SERPINB8: variants seen among roughly 807,000 people sequenced by gnomAD.
SERPINB8 encodes serpin B8.
SERPINB8 carries 25 observed loss-of-function variants against 35.3 expected under a neutral mutation model. That is an observed-to-expected ratio of 0.71 (90% CI 0.52 to 0.99). The LOEUF (loss-of-function observed/expected upper bound fraction) is 0.99, where lower values mean the gene tolerates loss of function less well. Among genes scored for constraint, SERPINB8 ranks in the 50% least tolerant of loss-of-function variants. The pLI is 0.00. For missense variants in SERPINB8, 484 were observed against 446.5 expected (o/e 1.08, Z -0.76); for synonymous variants, 186 against 160.8 (o/e 1.16, Z -1.19).
intron 1 of SERPINB8, among the ~76,000 whole-genome samples, chr18:64,001,908 C>T (rs779010156): frequency 7.9e-5 from 12 of 152,182 alleles, no homozygotes; most frequent in Admixed American, 3.9e-4. Flanking sequence ...GTCTGGGAAA[C>T]GCTTTCTACT....
In SERPINB8 at chr18:63,970,117, T is replaced by C. The variant is rs1019207338; in HGVS notation, c.-64T>C. 6 of 335,036 alleles carry C rather than the reference T, an allele frequency of 1.8e-5. No individual in the cohort carries two copies. The highest frequency in any genetic ancestry group is 7.4e-5 in the Admixed American group (2 of 26,982). 20.8% of individuals were successfully genotyped at this position (335,036 alleles called of 1,614,324 possible). On this transcript the variant is annotated 5_prime_UTR_variant, in exon 1 of 7. Transcript: ENST00000397985. Reference sequence around the variant, plus strand: ...ACGTGAAGCATCTACAAAGGAGGAATAGTCAAAGCAGCAGCGGCGGCGGCG... The same window carrying C: ...ACGTGAAGCATCTACAAAGGAGGAACAGTCAAAGCAGCAGCGGCGGCGGCG...
At position 63,970,130 on chromosome 18, in the gene SERPINB8, AGCG is replaced by A. The variant is rs113130158; in HGVS notation, c.-33_-31del. 588 of 343,362 alleles carry A rather than the reference AGCG, an allele frequency of 1.7e-3. 2 individuals are homozygous for A. The highest frequency in any genetic ancestry group is 2.7e-3 in the Admixed American group (75 of 27,612). The allele number at this position is 343,362 out of a possible 1,614,324, so 21.3% of individuals were successfully genotyped here. ...ACAAAGGAGGAATAGTCAAAGCAGC[AGCG>A]GCGGCGGCGGCGGCGGCAGCAGCAG... is the stretch of plus-strand genomic sequence containing the variant. On this transcript the variant is annotated 5_prime_UTR_variant, in exon 1 of 7. Coordinates refer to ENST00000397985, the MANE Select transcript of SERPINB8 (RefSeq NM_002640.4).
chr18:63,970,092 A>G lies in SERPINB8; in HGVS notation c.-89A>G. 1 of 285,248 alleles carries G rather than the reference A, an allele frequency of 3.5e-6. No individual in the cohort carries two copies. 17.7% of individuals were successfully genotyped at this position (285,248 alleles called of 1,614,324 possible). A position where few individuals can be genotyped will look rare whatever the true frequency, so the allele number is the denominator to read the frequency against. On this transcript the variant is annotated 5_prime_UTR_variant, in exon 1 of 7. Transcript: ENST00000397985. The stretch of plus-strand genomic sequence containing the variant: ...GAAGCCTTGCCCTCAATCAAGGCGG[A>G]CGTGAAGCATCTACAAAGGAGGAAT...
At chr18:63,973,101 C>G (rs2050518970) in intron 1 of SERPINB8, among the ~76,000 whole-genome samples, 1 of 152,194 alleles carries the variant, frequency 6.6e-6, no homozygotes, top group Non-Finnish European at 1.5e-5. Flanking sequence ...GTTTACAGTC[C>G]TACCAAGAGT....
chr18:64,009,736 G>C (rs928463178), downstream of SERPINB8, among the ~76,000 whole-genome samples: 9 of 152,198 alleles, frequency 5.9e-5, no homozygotes, highest in African/African-American at 1.9e-4. Context: ...ATGACCTTGA[G>C]CAGTTGGATA....
intron 1 of SERPINB8, among the ~76,000 whole-genome samples, chr18:64,000,637 A>T (rs1049214007): frequency 6.6e-6 from 1 of 152,052 alleles, no homozygotes; most frequent in African/African-American, 2.4e-5. Context: ...AGGCCTCCTT[A>T]TGGGGCAGGG....
chr18:63,995,614 C>T (rs769240560), intron 1 of SERPINB8, among the ~76,000 whole-genome samples: 1 of 152,168 alleles, frequency 6.6e-6, no homozygotes, highest in Non-Finnish European at 1.5e-5. Flanking sequence ...AATTGCTGCA[C>T]TTAGGGTCAT....
At chr18:63,984,952 C>A in intron 5 of SERPINB8, 141 bp from the exon 6 acceptor site, 2 of 720,242 alleles carry the variant, frequency 2.8e-6, no homozygotes, top group South Asian at 2.1e-5. Flanking sequence ...CTAAGATGTA[C>A]TAATGAAGAT....
chr18:63,995,450 G>A (rs780437652), intron 1 of SERPINB8, among the ~76,000 whole-genome samples: 2 of 152,214 alleles, frequency 1.3e-5, no homozygotes, highest in African/African-American at 2.4e-5. Context: ...CTGGTTTAGG[G>A]TCTGAGACCA....
chr18:63,987,844 C>A lies in SERPINB8; in HGVS notation c.*566C>A, dbSNP rs1458141872. The A allele has an allele frequency of 1.3e-5, 2 of 152,738 alleles. No individual in the cohort carries two copies. The highest frequency in any genetic ancestry group is 6.5e-5 in the Admixed American group (1 of 15,336). 9.5% of individuals were successfully genotyped at this position (152,738 alleles called of 1,614,324 possible). On this transcript the variant is annotated 3_prime_UTR_variant, in exon 7 of 7. Coordinates refer to ENST00000397985, the MANE Select transcript of SERPINB8 (RefSeq NM_002640.4). ...CTCATCTTTCCATAAGCCTGAGATA[C>A]AAGTTCAGGGACTCAGCAATGCACT...
downstream of SERPINB8, among the ~76,000 whole-genome samples, chr18:64,007,719 C>T (rs1184779852): frequency 6.6e-6 from 1 of 152,104 alleles, no homozygotes; most frequent in Admixed American, 6.5e-5. Flanking sequence ...GGTGCTATGC[C>T]CTTTTATACA....
intron 7 of SERPINB8, among the ~76,000 whole-genome samples, chr18:64,013,795 C>G (rs181185221): frequency 1.3e-5 from 2 of 152,188 alleles, no homozygotes; most frequent in East Asian, 3.9e-4. Context: ...GAAGGAAGAG[C>G]ATGTGCAAAA....
downstream of SERPINB8, among the ~76,000 whole-genome samples, chr18:63,994,337 T>TCTC (rs1568282178): frequency 6.7e-6 from 1 of 149,742 alleles, no homozygotes; most frequent in Non-Finnish European, 1.5e-5. Context: ...CCCTCTCTCT[T>TCTC]TCTCTCTCTC....
rs777758407 is a variant in SERPINB8, at chr18:63,986,318, G to A, written c.721-556G>A. 4.4e-6 allele frequency: 7 copies of A among 1,606,256 alleles called. No individual in the cohort carries two copies. The Admixed American group carries it at 6.8e-5, about 16-fold the overall frequency. On this transcript the variant is annotated intron_variant, in intron 6 of 6. Coordinates refer to ENST00000397985, the MANE Select transcript of SERPINB8 (RefSeq NM_002640.4). ...TCCAGGACAGGCAGAGGACAAACAA[G>A]GATGCTGATGAAGTCTTCTTGCATT...
chr18:64,007,502 C>T (rs1176999062), downstream of SERPINB8, among the ~76,000 whole-genome samples: 1 of 152,076 alleles, frequency 6.6e-6, no homozygotes, highest in African/African-American at 2.4e-5. Context: ...ACTTTGATAC[C>T]TGTATTAGTC....
At chr18:63,986,736 AAAG>A (rs1274105531) in intron 6 of SERPINB8, 135 bp from the exon 7 acceptor site, 1 of 1,405,724 alleles carries the variant, frequency 7.1e-7, no homozygotes, top group African/African-American at 1.4e-5. Flanking sequence ...TGTGTTTATA[AAAG>A]AAAATATCTG....
At chr18:63,999,504 G>C (rs758106741) in intron 1 of SERPINB8, among the ~76,000 whole-genome samples, 2 of 152,076 alleles carry the variant, frequency 1.3e-5, no homozygotes, top group Non-Finnish European at 2.9e-5. Flanking sequence ...CTTGATGGTG[G>C]TGACCTTCTC....
chr18:64,010,173 A>G (rs1342235619), downstream of SERPINB8, among the ~76,000 whole-genome samples: 1 of 152,176 alleles, frequency 6.6e-6, no homozygotes, highest in Admixed American at 6.5e-5. Context: ...GCCAATAAAC[A>G]TATGAAAAGA....
At chr18:63,986,655 G>A (rs1568277434) in intron 6 of SERPINB8, 4 of 1,341,354 alleles carry the variant, frequency 3.0e-6, no homozygotes, top group Admixed American at 3.6e-5. Context: ...CCTGTCTCAG[G>A]TGTTTACTAG....
Sources: gnomAD v4.1 joint callset for allele counts (sites outside exome capture counted in the v4.1 genomes callset) on GRCh38, gnomAD v4.1.1 for gene constraint, MANE v1.5 for transcripts, NCBI Gene and HGNC (gene_info 2026-07-23, HGNC 2026-07-21) for gene names.